The following FBXO41 variants were observed in gnomAD, a reference collection of about 807,000 sequenced individuals.
FBXO41 encodes F-box only protein 41.
Under a neutral mutation model 81.6 loss-of-function variants are expected in FBXO41, and 33 were observed. That is an observed-to-expected ratio of 0.40 (90% CI 0.31 to 0.54). The LOEUF (loss-of-function observed/expected upper bound fraction) is 0.54, where lower values mean the gene tolerates loss of function less well. Among genes scored for constraint, FBXO41 ranks in the 20% least tolerant of loss-of-function variants. The pLI is 0.39. For missense variants in FBXO41, 1,107 were observed against 1,236.0 expected (o/e 0.90, Z 1.56); for synonymous variants, 576 against 552.7 (o/e 1.04, Z -0.59).
In FBXO41 at chr2:73,257,873, CTA is replaced by C; in HGVS notation, c.*1107_*1108del. The C allele has an allele frequency of 1.3e-5, 2 of 152,378 alleles. No individual in the cohort carries two copies. The highest frequency in any genetic ancestry group is 3.4e-3 in the Middle Eastern group (1 of 294). The allele number at this position is 152,378 out of a possible 1,614,324, so 9.4% of individuals were successfully genotyped here. A position where few individuals can be genotyped will look rare whatever the true frequency, so the allele number is the denominator to read the frequency against. On this transcript the variant is annotated 3_prime_UTR_variant, in exon 13 of 13. Transcript: ENST00000520530. This position sits in a 1 kb window ranked among gnomAD's most constrained non-coding sequence, Gnocchi z 4.6. The stretch of plus-strand genomic sequence containing the variant: ...GGAGACCAAGGAAGGGGGAGTGAGT[CTA>C]TTGAGGATGCTCTTCCTCTTCCTTG...
chr2:73,263,218 G>A lies in FBXO41; in HGVS notation c.2166C>T (p.His722=), dbSNP rs1400360519. Residue 722 remains histidine, a synonymous_variant, in exon 9 of 13, where the codon CAC becomes CAT. Coordinates refer to ENST00000520530, the MANE Select transcript of FBXO41 (RefSeq NM_001371389.2). ...CCAAACCTGCCAGGGCTCACCAGGG[G>A]TGAAGTGGTGCCACTTGGAGGGAGA... ...EIVSLQVAPL[H]PCQQPTRFSN... is the part of the protein sequence containing the mutation. The A allele has an allele frequency of 2.6e-6, 4 of 1,554,770 alleles. No individual in the cohort carries two copies. Among genetic ancestry groups the A allele is most frequent in the Non-Finnish European group, 2.6e-6 (3 of 1,148,728 alleles).
At chr2:73,263,383 G>A in intron 8 of FBXO41, 75 bp from the exon 9 acceptor site, 1 of 1,186,998 alleles carries the variant, frequency 8.4e-7, no homozygotes, top group Non-Finnish European at 1.1e-6. Flanking sequence ...GGGAGGTCAA[G>A]GCCGAGGTTG....
intron 1 of FBXO41, among the ~76,000 whole-genome samples, chr2:73,276,603 A>AGG (rs1491107732): frequency 1.2e-5 from 1 of 83,774 alleles, no homozygotes; most frequent in Non-Finnish European, 2.6e-5. Flanking sequence ...AGAGAGAGAG[A>AGG]GGGAGAGAGG....
At chr2:73,282,724 C>G (rs1688883072) in intron 1 of FBXO41, among the ~76,000 whole-genome samples, 1 of 152,146 alleles carries the variant, frequency 6.6e-6, no homozygotes, top group African/African-American at 2.4e-5. Flanking sequence ...TATTCCAAAA[C>G]AAAAACAAAA....
chr2:73,270,683 C>A (rs932662333), intron 1 of FBXO41: 7 of 428,714 alleles, frequency 1.6e-5, no homozygotes, highest in African/African-American at 1.2e-4. Flanking sequence ...CTCCCCACAC[C>A]CCTTTTGGCA....
chr2:73,280,520 C>T (rs1688816626), intron 1 of FBXO41, among the ~76,000 whole-genome samples: 1 of 152,240 alleles, frequency 6.6e-6, no homozygotes, highest in Non-Finnish European at 1.5e-5. Flanking sequence ...GTCTCTGCTT[C>T]TCTCCCATGT....
At chr2:73,283,824 G>A (rs1345821398) in intron 1 of FBXO41, among the ~76,000 whole-genome samples, 3 of 152,058 alleles carry the variant, frequency 2.0e-5, no homozygotes, top group African/African-American at 7.2e-5. Flanking sequence ...GTTTCAGGGC[G>A]CTTCCCCTCC....
In FBXO41 at chr2:73,263,759, G is replaced by A; in HGVS notation, c.1994C>T (p.Ser665Phe). The A allele has an allele frequency of 6.2e-7, 1 of 1,614,060 alleles. No individual in the cohort carries two copies. The highest frequency in any genetic ancestry group is 8.5e-7 in the Non-Finnish European group (1 of 1,179,914). ...GTCGGTGAGGATGTTTGGACAGTGG[G>A]AGATGCGCAGGATCAGCAGGTTCCC... Reference protein sequence around the residue: ...AGGNLLILRISHCPNILTDRS... With the variant: ...AGGNLLILRIFHCPNILTDRS... The change falls in exon 8 of 13, where the codon TCC becomes TTC. Residue 665 changes from serine to phenylalanine, a missense_variant. Physicochemically the swap from Ser to Phe is radical, Grantham distance 155 (BLOSUM62 -2). Transcript: ENST00000520530.
chr2:73,262,264 G>C (rs751008517), intron 9 of FBXO41, among the ~76,000 whole-genome samples: 2 of 151,890 alleles, frequency 1.3e-5, no homozygotes, highest in Non-Finnish European at 2.9e-5. Flanking sequence ...TTGCAAAGTA[G>C]ATGACAGAGG....
In FBXO41 at chr2:73,269,466, CGCG is replaced by C. The variant is rs760529928; in HGVS notation, c.162_164del (p.Ala61del). ...ACCCCGAGGCAGCGGCGGCGGCGGCCGCGGCGGCGGCGGCGCCGTCGCAGATGC... is the reference window on the plus strand; with the variant it reads ...ACCCCGAGGCAGCGGCGGCGGCGGCCGCGGCGGCGGCGCCGTCGCAGATGC... On this transcript the variant is annotated inframe_deletion, in exon 2 of 13. Transcript: ENST00000520530. The surrounding 1 kb of genome is among the most constrained non-coding windows in gnomAD (Gnocchi z 7.0). The C allele has an allele frequency of 2.3e-4, 291 of 1,252,398 alleles. No homozygotes were observed. The highest frequency in any genetic ancestry group is 1.9e-3 in the South Asian group (78 of 41,066). The allele number at this position is 1,252,398 out of a possible 1,614,324, so 77.6% of individuals were successfully genotyped here.
rs1382255036 is a variant in FBXO41, at chr2:73,260,442, A to C, written c.2396T>G (p.Met799Arg). ...GACGGGAGTCGCCGTGAGCACCAGC[A>C]TCTCCAGTCCCTTCAGGCCTTCCCG... is the stretch of plus-strand genomic sequence containing the variant. ...VCREGLKGLE[M>R]LVLTATPVTP... The change falls in exon 11 of 13, where the codon ATG (methionine) becomes AGG (arginine). Residue 799 changes from methionine to arginine, a missense_variant. By Grantham distance (91) the Met-to-Arg change is moderately conservative. Coordinates refer to ENST00000520530, the MANE Select transcript of FBXO41 (RefSeq NM_001371389.2). The surrounding 1 kb of genome is among the most constrained non-coding windows in gnomAD (Gnocchi z 5.0). 1 of 1,610,234 alleles carries C rather than the reference A, an allele frequency of 6.2e-7. No individual in the cohort carries two copies. Among genetic ancestry groups the C allele is most frequent in the Non-Finnish European group, 8.5e-7 (1 of 1,178,378 alleles).
chr2:73,280,518 T>C (rs903808877), intron 1 of FBXO41, among the ~76,000 whole-genome samples: 2 of 152,346 alleles, frequency 1.3e-5, no homozygotes, highest in South Asian at 2.1e-4. Context: ...TTGTCTCTGC[T>C]TCTCTCCCAT....
rs759301897 is a variant in FBXO41, at chr2:73,269,067, G to A, written c.564C>T (p.Pro188=). The A allele has an allele frequency of 3.9e-6, 6 of 1,518,994 alleles. No homozygotes were observed. The African/African-American group carries it at 7.1e-5, about 18-fold the overall frequency. The allele number at this position is 1,518,994 out of a possible 1,614,324, so 94.1% of individuals were successfully genotyped here. The part of the protein sequence containing the change: ...GPCPGPASAS[P]ASPSPADVAY... ...CCACATCAGCGGGTGAGGGGGACGCGGGCGAAGCGGAGGCAGGCCCGGGGC... is the reference window on the plus strand; with the variant it reads ...CCACATCAGCGGGTGAGGGGGACGCAGGCGAAGCGGAGGCAGGCCCGGGGC... The change falls in exon 2 of 13, where the codon CCC becomes CCT. Residue 188 remains proline, a synonymous_variant. Coordinates refer to ENST00000520530, the MANE Select transcript of FBXO41 (RefSeq NM_001371389.2). This position sits in a 1 kb window ranked among gnomAD's most constrained non-coding sequence, Gnocchi z 7.0.
intron 1 of FBXO41, chr2:73,271,628 C>CCCCA (rs1319944855): frequency 6.8e-6 from 1 of 146,226 alleles, no homozygotes; most frequent in East Asian, 2.2e-4. Context: ...TGCACTCCCC[C>CCCCA]CCCCCCAACT....
In FBXO41 at chr2:73,268,959, C is replaced by T. The variant is rs924536091; in HGVS notation, c.672G>A (p.Glu224=). 2 of 1,538,474 alleles carry T rather than the reference C, an allele frequency of 1.3e-6. No individual in the cohort carries two copies. The highest frequency in any genetic ancestry group is 1.7e-6 in the Non-Finnish European group (2 of 1,146,368). The part of the protein sequence containing the change: ...EVDRRLERLS[E]EVEQKIAGQV... The stretch of plus-strand genomic sequence containing the variant: ...GGCCCGCGATCTTCTGCTCCACCTC[C>T]TCGCTCAGCCGCTCCAGCCGCCGGT... Residue 224 remains glutamate (E), a synonymous_variant, in exon 2 of 13, where the codon GAG becomes GAA. Coordinates refer to ENST00000520530, the MANE Select transcript of FBXO41 (RefSeq NM_001371389.2).
chr2:73,276,590 G>C (rs938521658), intron 1 of FBXO41, among the ~76,000 whole-genome samples: 1 of 133,654 alleles, frequency 7.5e-6, no homozygotes, highest in South Asian at 2.5e-4. Context: ...GAGAGAGAGA[G>C]AGAGAGAGAG....
intron 9 of FBXO41, among the ~76,000 whole-genome samples, chr2:73,261,385 AC>A: frequency 6.6e-6 from 1 of 152,148 alleles, no homozygotes; most frequent in South Asian, 2.1e-4. Context: ...CACAGTTCAG[AC>A]CACCATTGGC....
chr2:73,276,148 G>A (rs551435823), intron 1 of FBXO41, among the ~76,000 whole-genome samples: 28 of 150,794 alleles, frequency 1.9e-4, no homozygotes, highest in African/African-American at 5.9e-4. Flanking sequence ...GGTGGCTCAC[G>A]TCTGTAATCC....
rs538832777 is a variant in FBXO41, at chr2:73,264,333, C to T, written c.1751G>A (p.Arg584His). Residue 584 changes from arginine to histidine, a missense_variant, in exon 6 of 13, where the codon CGC becomes CAC. Around this residue, in one of 2 missense-constraint regions of FBXO41, gnomAD observed 336 missense variants for 446.7 expected, o/e 0.75. Transcript: ENST00000520530. ...CACCCTTGTCCAGACTGCGGGGTGG[C>T]GGGCCACGAAGCGCCAGTCCCGGCA... ...EVCRDWRFVA[R>H]HPAVWTRVLL... 3.0e-5 allele frequency: 49 copies of T among 1,613,670 alleles called. No homozygotes were observed. Among genetic ancestry groups the T allele is most frequent in the South Asian group, 1.4e-4 (13 of 91,080 alleles).
Sources: allele counts gnomAD v4.1 joint callset (sites outside exome capture counted in the v4.1 genomes callset), GRCh38; gene constraint gnomAD v4.1.1; regional missense constraint gnomAD v4.1.1; non-coding constraint Gnocchi (gnomAD v3.1); transcripts MANE v1.5; gene names NCBI Gene and HGNC (gene_info 2026-07-23, HGNC 2026-07-21).